UGT2B10: variants seen among roughly 807,000 people sequenced by gnomAD.
The protein encoded by UGT2B10 is UDP-glucuronosyltransferase 2B10.
A neutral mutation model predicts 43.7 loss-of-function variants in UGT2B10; 51 were observed. That is an observed-to-expected ratio of 1.17 (90% CI 0.93 to 1.47). The LOEUF is 1.47. UGT2B10 is among the 40% of genes most tolerant of loss of function. UGT2B10 has a pLI of 0.00. For synonymous variants in UGT2B10, 225 were observed against 209.0 expected, an observed-to-expected ratio of 1.08 and a Z score of -0.66; for missense variants, 696 against 617.7, an observed-to-expected ratio of 1.13 and a Z score of -1.34.
intron 1 of UGT2B10, 142 bp from the exon 2 acceptor site, chr4:68,817,887 T>C: frequency 1.1e-6 from 1 of 941,980 alleles, no homozygotes; most frequent in East Asian, 3.0e-5. Flanking sequence ...AAATTATTCC[T>C]ATATATGAAT....
intron 5 of UGT2B10, among the ~76,000 whole-genome samples, chr4:68,830,346 T>A (rs574004271): frequency 6.7e-6 from 1 of 149,784 alleles, no homozygotes; most frequent in Non-Finnish European, 1.5e-5. Context: ...AAATGCCTGA[T>A]ACTTTCTCTG....
chr4:68,827,534 A>T lies in UGT2B10; in HGVS notation c.1293A>T (p.Val431=). 1 of 1,613,312 alleles carries T rather than the reference A, an allele frequency of 6.2e-7. No homozygotes were observed. Among genetic ancestry groups the T allele is most frequent in the Non-Finnish European group, 8.5e-7 (1 of 1,179,428 alleles). The part of the protein sequence containing the change: ...STDLLNALKT[V]INDPSYKENI... ...ACCTGCTGAATGCACTGAAGACAGTAATTAATGATCCTTCGTGAGTAGAAC... is the reference window on the plus strand; with the variant it reads ...ACCTGCTGAATGCACTGAAGACAGTTATTAATGATCCTTCGTGAGTAGAAC... Residue 431 remains valine, a synonymous_variant, in exon 5 of 6, where the codon GTA becomes GTT. Coordinates refer to ENST00000265403, the MANE Select transcript of UGT2B10 (RefSeq NM_001075.6).
intron 5 of UGT2B10, among the ~76,000 whole-genome samples, chr4:68,828,590 C>T (rs1737920824): frequency 6.6e-6 from 1 of 151,852 alleles, no homozygotes; most frequent in African/African-American, 2.4e-5. Flanking sequence ...AATACTTTCA[C>T]TCAACCTAAA....
chr4:68,828,517 AC>A (rs1737917845), intron 5 of UGT2B10, among the ~76,000 whole-genome samples: 1 of 152,032 alleles, frequency 6.6e-6, no homozygotes, highest in Non-Finnish European at 1.5e-5. Flanking sequence ...AGAAACACAA[AC>A]CAACTTGGAC....
At chr4:68,821,719 C>T (rs1737507748) in intron 2 of UGT2B10, among the ~76,000 whole-genome samples, 1 of 151,926 alleles carries the variant, frequency 6.6e-6, no homozygotes, top group Admixed American at 6.6e-5. Flanking sequence ...TTAAGTGAAG[C>T]AAAAAGCATT....
chr4:68,821,459 A>G (rs1464559700), intron 2 of UGT2B10, among the ~76,000 whole-genome samples: 1 of 152,146 alleles, frequency 6.6e-6, no homozygotes, highest in African/African-American at 2.4e-5. Flanking sequence ...TGCAGTTAGA[A>G]ATAGCACATC....
intron 3 of UGT2B10, among the ~76,000 whole-genome samples, chr4:68,825,438 C>G (rs114548106): frequency 0.071 from 10,847 of 151,900 alleles, 779 homozygotes; most frequent in African/African-American, 0.18. Context: ...TCATCACCCA[C>G]GTATTAAGAC....
chr4:68,817,989 T>C, intron 1 of UGT2B10, 40 bp from the exon 2 acceptor site: 3 of 1,587,808 alleles, frequency 1.9e-6, no homozygotes, highest in Non-Finnish European at 2.6e-6. Flanking sequence ...AAAGTAATTA[T>C]CTTATGTCAT....
intron 1 of UGT2B10, among the ~76,000 whole-genome samples, chr4:68,817,113 C>T (rs1737252013): frequency 6.6e-6 from 1 of 151,808 alleles, no homozygotes; most frequent in African/African-American, 2.4e-5. Context: ...CATTTTTCTA[C>T]AACTATCTAT....
At chr4:68,819,538 T>C (rs1016560755) in intron 2 of UGT2B10, among the ~76,000 whole-genome samples, 5 of 151,998 alleles carry the variant, frequency 3.3e-5, no homozygotes, top group African/African-American at 1.2e-4. Context: ...TAATAAAGCA[T>C]TTAAATCATT....
chr4:68,823,664 T>C (rs1178974865), intron 3 of UGT2B10, among the ~76,000 whole-genome samples: 1 of 152,118 alleles, frequency 6.6e-6, no homozygotes, highest in Non-Finnish European at 1.5e-5. Context: ...TATTCCTGTA[T>C]GGTAAGTTTT....
At chr4:68,824,867 T>A (rs1348116202) in intron 3 of UGT2B10, among the ~76,000 whole-genome samples, 1 of 152,158 alleles carries the variant, frequency 6.6e-6, no homozygotes, top group Non-Finnish European at 1.5e-5. Flanking sequence ...TTTTTATTCA[T>A]GATACCAACA....
At chr4:68,817,989 T>A (rs1737297481) in intron 1 of UGT2B10, 40 bp from the exon 2 acceptor site, 1 of 1,587,808 alleles carries the variant, frequency 6.3e-7, no homozygotes. Flanking sequence ...AAAGTAATTA[T>A]CTTATGTCAT....
intron 2 of UGT2B10, among the ~76,000 whole-genome samples, chr4:68,819,277 C>T (rs1470400087): frequency 4.6e-5 from 7 of 151,832 alleles, no homozygotes; most frequent in Non-Finnish European, 1.0e-4. Flanking sequence ...GATATCATTC[C>T]TCATTTAAGA....
intron 5 of UGT2B10, among the ~76,000 whole-genome samples, 179 bp from the exon 6 acceptor site, chr4:68,830,421 A>G (rs1738028326): frequency 6.6e-6 from 1 of 152,022 alleles, no homozygotes; most frequent in Non-Finnish European, 1.5e-5. Flanking sequence ...GTCAATGAGA[A>G]AAGTCCAATT....
At chr4:68,826,581 A>G (rs1208671822) in intron 4 of UGT2B10, 84 bp downstream of exon 4, 1 of 1,449,262 alleles carries the variant, frequency 6.9e-7, no homozygotes, top group African/African-American at 1.5e-5. Context: ...TGCTTATTGA[A>G]TATTTGTTAT....
At chr4:68,824,728 A>C (rs1737684042) in intron 3 of UGT2B10, among the ~76,000 whole-genome samples, 1 of 152,172 alleles carries the variant, frequency 6.6e-6, no homozygotes, top group South Asian at 2.1e-4. Context: ...GTAACAACAT[A>C]AAAATGTCTT....
chr4:68,824,236 G>A lies in UGT2B10; in HGVS notation c.999+1834G>A, dbSNP rs559439909. On this transcript the variant is annotated intron_variant, in intron 3 of 5. Coordinates refer to ENST00000265403, the MANE Select transcript of UGT2B10 (RefSeq NM_001075.6). ...CTAGTCCAAGTACCCACACAACCAG[G>A]TAGATTTAGAGAAAGAGAAAAAGCA... Among the ~76,000 whole-genome samples the A allele has an allele frequency of 2.6e-5, 4 of 152,300 alleles. No homozygotes were observed. In the East Asian group the frequency reaches 7.7e-4, roughly 29 times the overall value.
Position 68,827,388 on chromosome 4 carries a change from A to G in UGT2B10, c.1147A>G (p.Ile383Val), listed in dbSNP as rs749866635. The G allele has an allele frequency of 1.2e-6, 2 of 1,613,464 alleles. No homozygotes were observed. The highest frequency in any genetic ancestry group is 1.7e-6 in the Non-Finnish European group (2 of 1,179,556). Residue 383 changes from isoleucine (I) to valine (V), a missense_variant, in exon 5 of 6, where the codon ATC (isoleucine) becomes GTC (valine). Transcript: ENST00000265403. ...TGGAGCCAATGGCATCTATGAGGCAATCTACCATGGGATCCCTATGGTGGG... is the reference window on the plus strand; with the variant it reads ...TGGAGCCAATGGCATCTATGAGGCAGTCTACCATGGGATCCCTATGGTGGG... ...HGGANGIYEA[I>V]YHGIPMVGIP...
Sources: gnomAD v4.1 joint callset for allele counts (sites outside exome capture counted in the v4.1 genomes callset) on GRCh38, gnomAD v4.1.1 for gene constraint, MANE v1.5 for transcripts, NCBI Gene and HGNC (gene_info 2026-07-23, HGNC 2026-07-21) for gene names.